AKAP13: variants seen among roughly 807,000 people sequenced by gnomAD.
The protein encoded by AKAP13 is A-kinase anchor protein 13.
A neutral mutation model predicts 264.5 loss-of-function variants in AKAP13; 80 were observed. The observed-to-expected ratio is 0.30, with a 90% CI of 0.25 to 0.36. The LOEUF is 0.36. Ranked by LOEUF, AKAP13 falls within the 10% of genes least tolerant of loss-of-function variation. The probability of loss-of-function intolerance (pLI) is 1.00; values close to 1 mark genes in which losing one functional copy is unlikely to be tolerated. For synonymous variants in AKAP13, 1,380 were observed against 1,250.2 expected, an observed-to-expected ratio of 1.10 and a Z score of -2.19; for missense variants, 3,712 against 3,435.2, an observed-to-expected ratio of 1.08 and a Z score of -2.01.
Position 85,521,584 on chromosome 15 carries a change from TTGAA to T in AKAP13, c.181+12_181+15del. 1 of 1,613,428 alleles carries T rather than the reference TTGAA, an allele frequency of 6.2e-7. No homozygotes were observed. Among genetic ancestry groups the T allele is most frequent in the Non-Finnish European group, 8.5e-7 (1 of 1,179,576 alleles). On this transcript the variant is annotated intron_variant, in intron 3 of 36. Transcript: ENST00000394518. ...GGAGACCATTGCTCCTGGTAAGTAT[TTGAA>T]TGGGATCCTTACTAGCTTTTCCTAG...
intron 2 of AKAP13, among the ~76,000 whole-genome samples, chr15:85,502,037 G>T (rs1315512913): frequency 2.0e-5 from 3 of 152,120 alleles, no homozygotes; most frequent in Admixed American, 2.0e-4. Flanking sequence ...CATGCATTTG[G>T]GTCACCAGGA....
chr15:85,619,917 T>G, intron 8 of AKAP13: 1 of 1,435,230 alleles, frequency 7.0e-7, no homozygotes, highest in Non-Finnish European at 9.1e-7. Context: ...GCTTGATTTC[T>G]TTTTAATTCA....
intron 2 of AKAP13, among the ~76,000 whole-genome samples, chr15:85,491,516 A>T (rs1163274310): frequency 2.4e-5 from 2 of 82,604 alleles, no homozygotes; most frequent in African/African-American, 7.8e-5. Flanking sequence ...ATTATATATT[A>T]TATATATTAT....
intron 1 of AKAP13, among the ~76,000 whole-genome samples, chr15:85,472,341 T>TAA (rs770466257): frequency 2.1e-4 from 28 of 133,140 alleles, no homozygotes; most frequent in Non-Finnish European, 3.9e-4. Context: ...ACCCATCTCT[T>TAA]AAAAAAAAAA....
At chr15:85,589,589 C>T (rs1422430418) in intron 8 of AKAP13, among the ~76,000 whole-genome samples, 1 of 139,138 alleles carries the variant, frequency 7.2e-6, no homozygotes, top group Non-Finnish European at 1.6e-5. Flanking sequence ...AACCTTGTCT[C>T]CACTAAAAAA....
chr15:85,536,605 C>T (rs2077407077), intron 4 of AKAP13: 1 of 152,150 alleles, frequency 6.6e-6, no homozygotes, highest in Non-Finnish European at 1.5e-5. Context: ...CAGAAGCAAA[C>T]TATAATATAT....
At chr15:85,567,872 A>G (rs1052704678) in intron 5 of AKAP13, among the ~76,000 whole-genome samples, 5 of 151,970 alleles carry the variant, frequency 3.3e-5, no homozygotes, top group Non-Finnish European at 5.9e-5. Flanking sequence ...TCCCACACCT[A>G]ATATGGAGCT....
intron 36 of AKAP13, 66 bp from the exon 37 acceptor site, chr15:85,744,562 G>A (rs1597255695): frequency 6.5e-7 from 1 of 1,549,052 alleles, no homozygotes; most frequent in Middle Eastern, 1.7e-4. Flanking sequence ...TTTGGGATGG[G>A]GAGGAAGTTC....
At chr15:85,593,703 A>C (rs1459374043) in intron 8 of AKAP13, among the ~76,000 whole-genome samples, 1 of 152,118 alleles carries the variant, frequency 6.6e-6, no homozygotes, top group Non-Finnish European at 1.5e-5. Context: ...TGCATTTTAG[A>C]GGGGATGTGT....
intron 20 of AKAP13, among the ~76,000 whole-genome samples, chr15:85,716,879 T>C (rs960680217): frequency 3.3e-5 from 5 of 152,158 alleles, no homozygotes; most frequent in African/African-American, 4.8e-5. Flanking sequence ...AGCTGGTGAG[T>C]TGGGATTGAG....
chr15:85,693,091 T>C (rs986607602), intron 16 of AKAP13, 186 bp from the exon 17 acceptor site: 5 of 1,039,476 alleles, frequency 4.8e-6, no homozygotes, highest in South Asian at 2.0e-5. Flanking sequence ...AATTTTCTAA[T>C]GTAGCTTGCG....
intron 12 of AKAP13, among the ~76,000 whole-genome samples, chr15:85,661,778 G>A (rs1596958773): frequency 6.6e-6 from 1 of 152,014 alleles, no homozygotes; most frequent in East Asian, 1.9e-4. Context: ...AGTGTTATAT[G>A]CTTTATCTTT....
At position 85,693,096 on chromosome 15, in the gene AKAP13, C is replaced by T. The variant is rs1022135684; in HGVS notation, c.5290-181C>T. 3.7e-6 allele frequency: 4 copies of T among 1,081,248 alleles called. No individual in the cohort carries two copies. The African/African-American group carries it at 6.6e-5, about 18-fold the overall frequency. The allele number at this position is 1,081,248 out of a possible 1,614,324, so 67.0% of individuals were successfully genotyped here. On this transcript the variant is annotated intron_variant, in intron 16 of 36. Coordinates refer to ENST00000394518, the MANE Select transcript of AKAP13 (RefSeq NM_007200.5). Reference sequence around the variant, plus strand: ...TTTTCGTGTGAATTTTCTAATGTAGCTTGCGTGCCAACGCCTTAATTTAAA... The same window carrying T: ...TTTTCGTGTGAATTTTCTAATGTAGTTTGCGTGCCAACGCCTTAATTTAAA...
intron 33 of AKAP13, among the ~76,000 whole-genome samples, chr15:85,738,701 G>T (rs562191535): frequency 6.6e-6 from 1 of 151,602 alleles, no homozygotes. Flanking sequence ...AGCCGGGCGC[G>T]GTGGCGGGCG....
chr15:85,584,619 G>T (rs1269668339), intron 7 of AKAP13, among the ~76,000 whole-genome samples: 3 of 152,162 alleles, frequency 2.0e-5, no homozygotes, highest in Non-Finnish European at 4.4e-5. Flanking sequence ...CTGCTGGTAA[G>T]ATTATATAAT....
chr15:85,540,331 A>C (rs145612798), intron 4 of AKAP13, among the ~76,000 whole-genome samples: 14 of 152,310 alleles, frequency 9.2e-5, no homozygotes, highest in African/African-American at 2.9e-4. Flanking sequence ...ATGCAGTGGG[A>C]TTATCCTGCC....
chr15:85,624,727 T>G (rs2151429277), intron 8 of AKAP13: 1 of 152,328 alleles, frequency 6.6e-6, no homozygotes. Context: ...TGAGCTGTAT[T>G]ATTAGGATGT....
chr15:85,610,777 A>T (rs1596707604), intron 8 of AKAP13, among the ~76,000 whole-genome samples: 1 of 152,026 alleles, frequency 6.6e-6, no homozygotes, highest in African/African-American at 2.4e-5. Flanking sequence ...GGAGATCAAG[A>T]CCAGCCTGGC....
chr15:85,406,562 C>CT (rs975503688), intron 1 of AKAP13, among the ~76,000 whole-genome samples: 9 of 150,414 alleles, frequency 6.0e-5, no homozygotes, highest in African/African-American at 2.2e-4. Context: ...AATTTTTTTT[C>CT]TTTAAGTGTA....
Sources: gnomAD v4.1 joint callset for allele counts (sites outside exome capture counted in the v4.1 genomes callset) on GRCh38, gnomAD v4.1.1 for gene constraint, MANE v1.5 for transcripts, NCBI Gene and HGNC (gene_info 2026-07-23, HGNC 2026-07-21) for gene names.